The following TBC1D22A variants were observed in gnomAD, a reference collection of about 807,000 sequenced individuals.
The protein encoded by TBC1D22A is putative GTPase activator.
Under a neutral mutation model 60.2 loss-of-function variants are expected in TBC1D22A, and 38 were observed. The ratio of observed to expected loss-of-function variants is 0.63; its 90% CI spans 0.49 to 0.83. The LOEUF (loss-of-function observed/expected upper bound fraction) is 0.83, where lower values mean the gene tolerates loss of function less well. Ranked by LOEUF, TBC1D22A falls within the 40% of genes least tolerant of loss-of-function variation. The pLI, the probability that TBC1D22A is intolerant of heterozygous loss-of-function variation, is 0.00. For synonymous variants in TBC1D22A, 302 were observed against 281.7 expected (o/e 1.07, Z -0.72); for missense variants, 628 against 701.0 (o/e 0.90, Z 1.18).
intron 12 of TBC1D22A, among the ~76,000 whole-genome samples, chr22:47,114,809 G>A (rs2065972883): frequency 6.6e-6 from 1 of 152,184 alleles, no homozygotes; most frequent in South Asian, 2.1e-4. Context: ...AGACCCTCCT[G>A]TTGTTAAACA....
chr22:47,053,674 C>T (rs2063300539), intron 11 of TBC1D22A, among the ~76,000 whole-genome samples: 3 of 152,218 alleles, frequency 2.0e-5, no homozygotes, highest in African/African-American at 7.2e-5. Context: ...GACATATTGT[C>T]GGGCTCATCT....
At chr22:46,934,251 C>T (rs2071518154) in intron 8 of TBC1D22A, among the ~76,000 whole-genome samples, 1 of 152,200 alleles carries the variant, frequency 6.6e-6, no homozygotes, top group South Asian at 2.1e-4. Flanking sequence ...GGAAAAAGGA[C>T]ATGAGAGTTA....
chr22:47,157,468 T>C lies in TBC1D22A; in HGVS notation c.1426-16030T>C, dbSNP rs188784845. On this transcript the variant is annotated intron_variant, in intron 12 of 12. Coordinates refer to ENST00000337137, the MANE Select transcript of TBC1D22A (RefSeq NM_014346.5). ...CGTCTAGATGAACTGAAGCTGTGGCTGGGGTCTGCTGTAGGTGTCCTTGCC... is the reference window on the plus strand; with the variant it reads ...CGTCTAGATGAACTGAAGCTGTGGCCGGGGTCTGCTGTAGGTGTCCTTGCC... Among the ~76,000 whole-genome samples the C allele has an allele frequency of 1.3e-3, 197 of 152,338 alleles. 3 individuals are homozygous for C. Among genetic ancestry groups the C allele is most frequent in the Admixed American group, 0.012 (183 of 15,304 alleles).
intron 6 of TBC1D22A, among the ~76,000 whole-genome samples, chr22:46,891,801 G>A (rs2068422170): frequency 6.6e-6 from 1 of 152,164 alleles, no homozygotes; most frequent in African/African-American, 2.4e-5. Context: ...GTTGCCTGGG[G>A]TTCTCTGGCG....
At chr22:47,150,035 G>T (rs2067441434) in intron 12 of TBC1D22A, among the ~76,000 whole-genome samples, 2 of 152,078 alleles carry the variant, frequency 1.3e-5, no homozygotes, top group Non-Finnish European at 2.9e-5. Flanking sequence ...GAGCAGATGG[G>T]CCAGGGGCTG....
At chr22:46,839,048 G>A (rs1157132651) in intron 4 of TBC1D22A, among the ~76,000 whole-genome samples, 3 of 152,070 alleles carry the variant, frequency 2.0e-5, no homozygotes, top group African/African-American at 7.2e-5. Context: ...AAATCAAAAA[G>A]GAAAAATAAA....
intron 7 of TBC1D22A, among the ~76,000 whole-genome samples, chr22:46,898,410 G>A (rs762647): frequency 0.69 from 105,041 of 151,690 alleles, 36,785 homozygotes; most frequent in Middle Eastern, 0.86. Context: ...TCTTTCTCCC[G>A]GGATGATTTT....
rs778546759 is a variant in TBC1D22A at position 47,173,556 on chromosome 22, G to C, written c.1484G>C (p.Ser495Thr). 1 of 1,614,162 alleles carries C rather than the reference G, an allele frequency of 6.2e-7. No homozygotes were observed. The highest frequency in any genetic ancestry group is 8.5e-7 in the Non-Finnish European group (1 of 1,180,026). Residue 495 changes from serine (S) to threonine (T), a missense_variant, in exon 13 of 13, where the codon AGC (serine) becomes ACC (threonine). Ser to Thr is a moderately conservative substitution (Grantham distance 58). Transcript: ENST00000337137. Reference protein sequence around the residue: ...PTAHWDDEDISLLLAEAYRLK... With the variant: ...PTAHWDDEDITLLLAEAYRLK... ...GCCCACTGGGATGATGAGGACATCA[G>C]CCTGTTGCTGGCCGAGGCCTACCGC... is the stretch of plus-strand genomic sequence containing the variant.
intron 8 of TBC1D22A, among the ~76,000 whole-genome samples, chr22:46,969,132 C>T (rs1036258863): frequency 6.6e-6 from 1 of 152,158 alleles, no homozygotes; most frequent in African/African-American, 2.4e-5. Flanking sequence ...GTACCACCAC[C>T]CGTGGGATCT....
chr22:47,005,288 A>T (rs2148274618), intron 10 of TBC1D22A, among the ~76,000 whole-genome samples: 1 of 151,362 alleles, frequency 6.6e-6, no homozygotes, highest in South Asian at 2.1e-4. Context: ...ATACACATAT[A>T]CACTCACTCC....
chr22:46,907,641 T>C (rs2069587935), intron 7 of TBC1D22A, among the ~76,000 whole-genome samples: 1 of 152,156 alleles, frequency 6.6e-6, no homozygotes, highest in Admixed American at 6.5e-5. Context: ...GCCTCCACCA[T>C]CCACACCTCC....
At chr22:47,002,727 G>A (rs897749145) in intron 10 of TBC1D22A, among the ~76,000 whole-genome samples, 1 of 152,198 alleles carries the variant, frequency 6.6e-6, no homozygotes, top group Non-Finnish European at 1.5e-5. Flanking sequence ...CCAGGGCACC[G>A]TTGGATGAGG....
At chr22:46,957,105 G>T (rs979922356) in intron 8 of TBC1D22A, among the ~76,000 whole-genome samples, 1 of 152,204 alleles carries the variant, frequency 6.6e-6, no homozygotes, top group African/African-American at 2.4e-5. Context: ...AGAGAGGGAC[G>T]CGGTCTCCAC....
At chr22:47,138,802 T>C (rs1194316947) in intron 12 of TBC1D22A, among the ~76,000 whole-genome samples, 7 of 152,090 alleles carry the variant, frequency 4.6e-5, no homozygotes, top group Admixed American at 4.6e-4. Flanking sequence ...TCCTGGTTCA[T>C]AGACAGCACC....
intron 4 of TBC1D22A, among the ~76,000 whole-genome samples, chr22:46,874,800 C>T (rs1337164723): frequency 6.6e-6 from 1 of 151,988 alleles, no homozygotes; most frequent in African/African-American, 2.4e-5. Flanking sequence ...TCTCGAATTC[C>T]TCACCTCAAA....
intron 4 of TBC1D22A, among the ~76,000 whole-genome samples, chr22:46,815,222 G>C (rs1021103889): frequency 6.6e-6 from 1 of 152,202 alleles, no homozygotes; most frequent in Non-Finnish European, 1.5e-5. Flanking sequence ...TATTTCCATG[G>C]CGTGAGCCCT....
At chr22:46,824,923 C>T (rs1159901126) in intron 4 of TBC1D22A, among the ~76,000 whole-genome samples, 1 of 151,776 alleles carries the variant, frequency 6.6e-6, no homozygotes, top group Non-Finnish European at 1.5e-5. Flanking sequence ...GTCAAGTGGG[C>T]AGCTGGACAC....
chr22:47,007,025 C>G (rs538798650), intron 10 of TBC1D22A, among the ~76,000 whole-genome samples: 1 of 152,186 alleles, frequency 6.6e-6, no homozygotes, highest in African/African-American at 2.4e-5. Flanking sequence ...CCAAGAAGGA[C>G]TCTGTGCCAT....
Position 46,884,236 on chromosome 22 carries a change from G to T in TBC1D22A, c.708+5513G>T, listed in dbSNP as rs111280345. ...TGGTGAGGGCCGAGGAGGGGAAGGG[G>T]CTGTTGAAGTAGGTGGGTAGCGGTC... On this transcript the variant is annotated intron_variant, in intron 5 of 12. Coordinates refer to ENST00000337137, the MANE Select transcript of TBC1D22A (RefSeq NM_014346.5). 5.3e-5 allele frequency among the ~76,000 whole-genome samples: 8 copies of T among 152,280 alleles called. No individual in the cohort carries two copies. In the South Asian group the frequency reaches 1.5e-3, roughly 28 times the overall value.
Sources: gnomAD v4.1 joint callset for allele counts (sites outside exome capture counted in the v4.1 genomes callset) on GRCh38, gnomAD v4.1.1 for gene constraint, MANE v1.5 for transcripts, NCBI Gene and HGNC (gene_info 2026-07-23, HGNC 2026-07-21) for gene names.